The following PXDNL variants were observed in gnomAD, a reference collection of about 807,000 sequenced individuals.
PXDNL encodes the protein peroxidasin like, also known as probable oxidoreductase PXDNL.
In PXDNL, 145 loss-of-function variants were observed where a neutral mutation model predicts 150.8. The observed-to-expected ratio is 0.96, with a 90% CI of 0.84 to 1.10. The LOEUF (loss-of-function observed/expected upper bound fraction) is 1.10. Among genes scored for constraint, PXDNL ranks in the 50% least tolerant of loss-of-function variants. PXDNL has a pLI of 0.00. For missense variants in PXDNL, 2,087 were observed against 1,873.9 expected, an observed-to-expected ratio of 1.11 and a Z score of -2.10; for synonymous variants, 757 against 725.7, an observed-to-expected ratio of 1.04 and a Z score of -0.69.
intron 20 of PXDNL, among the ~76,000 whole-genome samples, chr8:51,341,745 G>T (rs1243141082): frequency 3.3e-5 from 5 of 152,100 alleles, no homozygotes; most frequent in Non-Finnish European, 7.4e-5. Flanking sequence ...ATTTCACTTA[G>T]CATAATGTCC....
At chr8:51,514,546 A>G (rs1811495534) in intron 4 of PXDNL, among the ~76,000 whole-genome samples, 1 of 152,258 alleles carries the variant, frequency 6.6e-6, no homozygotes. Flanking sequence ...TAATGCACCA[A>G]TCCTTCAGGT....
chr8:51,350,323 C>A (rs1272103447), intron 19 of PXDNL, among the ~76,000 whole-genome samples: 1 of 95,528 alleles, frequency 1.0e-5, no homozygotes, highest in Non-Finnish European at 2.5e-5. Flanking sequence ...CTAGCCCTCC[C>A]ACCCTAGTCT....
chr8:51,494,128 A>G (rs2130249280), intron 5 of PXDNL, among the ~76,000 whole-genome samples: 1 of 152,358 alleles, frequency 6.6e-6, no homozygotes, highest in Non-Finnish European at 1.5e-5. Context: ...CCAATATTCA[A>G]CATTCTTAAA....
At chr8:51,538,015 A>G (rs1204021424) in intron 4 of PXDNL, among the ~76,000 whole-genome samples, 1 of 152,222 alleles carries the variant, frequency 6.6e-6, no homozygotes, top group Non-Finnish European at 1.5e-5. Flanking sequence ...CATCAAATGT[A>G]TCTCAAACTT....
chr8:51,580,292 ATCAGTAG>A, intron 3 of PXDNL, among the ~76,000 whole-genome samples: 1 of 152,140 alleles, frequency 6.6e-6, no homozygotes, highest in East Asian at 1.9e-4. Context: ...TATATTTATC[ATCAGTAG>A]AAACTGGATA....
chr8:51,654,903 C>T, intron 1 of PXDNL, 143 bp from the exon 2 acceptor site: 1 of 664,638 alleles, frequency 1.5e-6, no homozygotes, highest in Non-Finnish European at 2.6e-6. Context: ...AGAACTAGTG[C>T]ACATCATACA....
intron 1 of PXDNL, among the ~76,000 whole-genome samples, chr8:51,780,575 G>A (rs759988457): frequency 2.6e-5 from 4 of 151,308 alleles, no homozygotes; most frequent in African/African-American, 4.9e-5. Flanking sequence ...GCTTATAAAC[G>A]CATCTTACAG....
chr8:51,682,156 A>G (rs1815763836), intron 1 of PXDNL, among the ~76,000 whole-genome samples: 1 of 152,212 alleles, frequency 6.6e-6, no homozygotes, highest in Non-Finnish European at 1.5e-5. Flanking sequence ...TGAACATTAC[A>G]AAGACCATAA....
chr8:51,324,384 T>C (rs1016293247), intron 21 of PXDNL, among the ~76,000 whole-genome samples: 1 of 152,132 alleles, frequency 6.6e-6, no homozygotes, highest in Admixed American at 6.5e-5. Flanking sequence ...GGGGAAAGCA[T>C]TCAAGCATTC....
chr8:51,681,369 T>C (rs559085796), intron 1 of PXDNL, among the ~76,000 whole-genome samples: 2 of 152,312 alleles, frequency 1.3e-5, no homozygotes, highest in East Asian at 1.9e-4. Flanking sequence ...CCGGAATTGT[T>C]TGTGCATTTC....
At chr8:51,628,630 C>T (rs1814419665) in intron 2 of PXDNL, among the ~76,000 whole-genome samples, 3 of 151,620 alleles carry the variant, frequency 2.0e-5, no homozygotes. Flanking sequence ...ATCTCGATCT[C>T]CTGACCTTGT....
intron 1 of PXDNL, among the ~76,000 whole-genome samples, chr8:51,768,205 G>C (rs1249683755): frequency 2.6e-5 from 4 of 151,090 alleles, no homozygotes; most frequent in African/African-American, 9.7e-5. Context: ...AAAACCTTTA[G>C]TTAATTTCCA....
intron 4 of PXDNL, among the ~76,000 whole-genome samples, chr8:51,501,173 T>C (rs988166554): frequency 1.3e-5 from 2 of 152,160 alleles, no homozygotes; most frequent in Non-Finnish European, 2.9e-5. Flanking sequence ...ATTTTAAAAG[T>C]GGTGACATTT....
chr8:51,484,740 T>A (rs1451269206), intron 5 of PXDNL, among the ~76,000 whole-genome samples: 1 of 152,110 alleles, frequency 6.6e-6, no homozygotes, highest in African/African-American at 2.4e-5. Context: ...TACCTCTCCC[T>A]CTCCCTCCAC....
intron 2 of PXDNL, among the ~76,000 whole-genome samples, chr8:51,620,030 A>G (rs1191801852): frequency 6.6e-6 from 1 of 152,156 alleles, no homozygotes; most frequent in Non-Finnish European, 1.5e-5. Flanking sequence ...GTCTTTTGTT[A>G]CTGGAGTATC....
At chr8:51,438,180 T>C (rs922773260) in intron 12 of PXDNL, among the ~76,000 whole-genome samples, 8 of 152,108 alleles carry the variant, frequency 5.3e-5, no homozygotes, top group Non-Finnish European at 1.0e-4. Context: ...ACAAATGAAT[T>C]GAAACACATC....
At chr8:51,430,741 C>T (rs1164728091) in intron 12 of PXDNL, among the ~76,000 whole-genome samples, 1 of 152,178 alleles carries the variant, frequency 6.6e-6, no homozygotes, top group East Asian at 1.9e-4. Context: ...ACCTTTACCA[C>T]TTTTCTTCCA....
At chr8:51,609,297 A>G (rs913920610) in intron 2 of PXDNL, among the ~76,000 whole-genome samples, 4 of 152,258 alleles carry the variant, frequency 2.6e-5, no homozygotes, top group Non-Finnish European at 1.5e-5. Context: ...ATAAAAAACT[A>G]GAAAAAATTC....
chr8:51,454,315 T>G lies in PXDNL; in HGVS notation c.983-530A>C, dbSNP rs528079122. On this transcript the variant is annotated intron_variant, in intron 9 of 22. Coordinates refer to ENST00000356297, the MANE Select transcript of PXDNL (RefSeq NM_144651.5). ...GCAGATCAAAAAGCAGAAAGAAGAA[T>G]ATTATTGGCTCACTATAGGTAATGT... Among the ~76,000 whole-genome samples the G allele has an allele frequency of 6.6e-5, 10 of 152,306 alleles. No homozygotes were observed. The East Asian group carries it at 1.9e-3, about 29-fold the overall frequency.
Sources: gnomAD v4.1 joint callset for allele counts (sites outside exome capture counted in the v4.1 genomes callset) on GRCh38, gnomAD v4.1.1 for gene constraint, MANE v1.5 for transcripts, NCBI Gene and HGNC (gene_info 2026-07-23, HGNC 2026-07-21) for gene names.